Variants in CYP4X1 observed in about 807,000 individuals in gnomAD.
CYP4X1 encodes the protein cytochrome P450 4X1.
In CYP4X1, 44 loss-of-function variants were observed where a neutral mutation model predicts 57.9. The observed-to-expected ratio is 0.76, with a 90% CI of 0.60 to 0.98. The LOEUF (loss-of-function observed/expected upper bound fraction) is 0.98, where lower values mean the gene tolerates loss of function less well. Ranked by LOEUF, CYP4X1 falls within the 50% of genes least tolerant of loss-of-function variation. CYP4X1 has a pLI of 0.00. For synonymous variants in CYP4X1, 227 were observed against 228.6 expected, an observed-to-expected ratio of 0.99 and a Z score of 0.06; for missense variants, 532 against 623.9, an observed-to-expected ratio of 0.85 and a Z score of 1.57.
chr1:47,007,215 C>G, the CYP4X1 span, among the ~76,000 whole-genome samples: 99 of 152,304 alleles, frequency 6.5e-4, no homozygotes, highest in African/African-American at 2.1e-3. Flanking sequence ...GCCAGGTACT[C>G]CTCTGAGACA....
chr1:46,981,972 G>A, the CYP4X1 span, among the ~76,000 whole-genome samples: 1 of 152,160 alleles, frequency 6.6e-6, no homozygotes, highest in African/African-American at 2.4e-5. Flanking sequence ...TCACACACCA[G>A]GGCCTGTCAT....
At chr1:47,040,651 A>G (rs1428933385) in intron 8 of CYP4X1, among the ~76,000 whole-genome samples, 1 of 152,130 alleles carries the variant, frequency 6.6e-6, no homozygotes, top group Non-Finnish European at 1.5e-5. Context: ...TTTAACTGAC[A>G]AAAATTGTGC....
chr1:46,993,774 G>T, the CYP4X1 span, among the ~76,000 whole-genome samples: 3 of 152,064 alleles, frequency 2.0e-5, no homozygotes, highest in African/African-American at 7.2e-5. Context: ...TTTTGATGGG[G>T]TTGTTTGTTT....
rs369661318 is a variant in CYP4X1 at position 47,035,977 on chromosome 1, A to C, written c.621-40A>C. 7 of 1,611,246 alleles carry C rather than the reference A, an allele frequency of 4.3e-6. No homozygotes were observed. The African/African-American group carries it at 9.3e-5, about 21-fold the overall frequency. On this transcript the variant is annotated intron_variant, in intron 5 of 11. Coordinates refer to ENST00000371901, the MANE Select transcript of CYP4X1 (RefSeq NM_178033.2). ...AAAAAGATATTTCTTCACATTTTCT[A>C]AGTTGTTTATTAACACATTATCCCA...
At chr1:47,002,513 CTG>C in the CYP4X1 span, among the ~76,000 whole-genome samples, 5 of 152,180 alleles carry the variant, frequency 3.3e-5, no homozygotes, top group African/African-American at 1.2e-4. Context: ...GAAGCCTGTC[CTG>C]TGAAATTGGA....
At chr1:47,007,887 G>C in the CYP4X1 span, among the ~76,000 whole-genome samples, 1 of 152,194 alleles carries the variant, frequency 6.6e-6, no homozygotes, top group East Asian at 1.9e-4. Flanking sequence ...AGAATAAAAA[G>C]AAATGAACAA....
chr1:46,977,521 G>A, the CYP4X1 span, among the ~76,000 whole-genome samples: 570 of 152,192 alleles, frequency 3.7e-3, 3 homozygotes, highest in Non-Finnish European at 6.0e-3. Context: ...GAAAGTGACC[G>A]AGAGAATGGA....
At chr1:47,035,765 A>G (rs1644172930) in intron 4 of CYP4X1, 41 bp from the exon 5 acceptor site, 2 of 1,585,306 alleles carry the variant, frequency 1.3e-6, no homozygotes, top group African/African-American at 1.4e-5. Flanking sequence ...CAATTTGGTC[A>G]TGGTGGTGGT....
chr1:47,046,843 GA>G (rs1195295796), intron 9 of CYP4X1, among the ~76,000 whole-genome samples: 3 of 152,168 alleles, frequency 2.0e-5, no homozygotes, highest in African/African-American at 7.2e-5. Context: ...CATGTCTCTG[GA>G]ATCCCAGCCC....
In CYP4X1 at chr1:47,029,987, C is replaced by T; in HGVS notation, c.178-3C>T. Reference sequence around the variant, plus strand: ...CTAATTACTTTTACTTTTTTCACTGCAGTTTATTCAGGATGATAACATGGA... The same window carrying T: ...CTAATTACTTTTACTTTTTTCACTGTAGTTTATTCAGGATGATAACATGGA... On this transcript the variant is annotated splice_region_variant and splice_polypyrimidine_tract_variant and intron_variant, in intron 1 of 11. Coordinates refer to ENST00000371901, the MANE Select transcript of CYP4X1 (RefSeq NM_178033.2). 6.2e-7 allele frequency: 1 copy of T among 1,613,218 alleles called. No individual in the cohort carries two copies. The highest frequency in any genetic ancestry group is 8.5e-7 in the Non-Finnish European group (1 of 1,179,598).
the CYP4X1 span, among the ~76,000 whole-genome samples, chr1:46,992,044 C>T: frequency 1.3e-5 from 2 of 152,188 alleles, no homozygotes; most frequent in Non-Finnish European, 2.9e-5. Context: ...TGGTGGCTAA[C>T]GCTTGTAGTC....
At chr1:46,981,270 T>C in the CYP4X1 span, among the ~76,000 whole-genome samples, 291 of 151,726 alleles carry the variant, frequency 1.9e-3, no homozygotes, top group African/African-American at 6.7e-3. Context: ...ACAAAGAACA[T>C]AAACAAATTT....
chr1:46,994,913 G>T, the CYP4X1 span, among the ~76,000 whole-genome samples: 1 of 152,148 alleles, frequency 6.6e-6, no homozygotes, highest in South Asian at 2.1e-4. Context: ...TTATTACCTG[G>T]ATTTCAGTAA....
At chr1:47,035,581 A>G (rs1331114645) in intron 4 of CYP4X1, among the ~76,000 whole-genome samples, 3 of 152,176 alleles carry the variant, frequency 2.0e-5, no homozygotes, top group African/African-American at 7.2e-5. Context: ...GCCATTTACC[A>G]TATATGCAGT....
At chr1:46,961,690 C>T in the CYP4X1 span, 1 of 1,293,294 alleles carries the variant, frequency 7.7e-7, no homozygotes, top group Admixed American at 2.3e-5. Flanking sequence ...TCTATTTGAC[C>T]CAACCAACTT....
the CYP4X1 span, among the ~76,000 whole-genome samples, chr1:47,013,405 A>T: frequency 6.6e-6 from 1 of 152,192 alleles, no homozygotes; most frequent in African/African-American, 2.4e-5. Flanking sequence ...AGTGAGGCCT[A>T]CTTGGGACAA....
chr1:46,980,279 T>A, the CYP4X1 span, among the ~76,000 whole-genome samples: 1 of 152,172 alleles, frequency 6.6e-6, no homozygotes, highest in Non-Finnish European at 1.5e-5. Flanking sequence ...TTCAGCAAAG[T>A]CTCAGGATAC....
the CYP4X1 span, among the ~76,000 whole-genome samples, chr1:46,974,806 C>A: frequency 6.6e-5 from 10 of 152,100 alleles, no homozygotes; most frequent in South Asian, 2.1e-3. Context: ...CATCCCTTTT[C>A]TTTGAGCCTA....
rs1457632614 is a variant in CYP4X1, at chr1:47,049,627, G to A, written c.1355+123G>A. ...ACCGTAGATCTTGGTGCCTATTTGA[G>A]CCCCAAAGGATCAGTTAGTTTTACA... is the stretch of plus-strand genomic sequence containing the variant. On this transcript the variant is annotated intron_variant, in intron 11 of 11. Transcript: ENST00000371901. 60 of 868,828 alleles carry A rather than the reference G, an allele frequency of 6.9e-5. No homozygotes were observed. The Admixed American group carries it at 1.2e-3, about 17-fold the overall frequency. 53.8% of individuals were successfully genotyped at this position (868,828 alleles called of 1,614,324 possible). A position where few individuals can be genotyped will look rare whatever the true frequency, so the allele number is the denominator to read the frequency against.
Sources: allele counts gnomAD v4.1 joint callset (sites outside exome capture counted in the v4.1 genomes callset), GRCh38; gene constraint gnomAD v4.1.1; transcripts MANE v1.5; gene names NCBI Gene and HGNC (gene_info 2026-07-23, HGNC 2026-07-21).